Variants in PARP8 observed in about 807,000 individuals in gnomAD.
The protein encoded by PARP8 is protein mono-ADP-ribosyltransferase PARP8.
In PARP8, 51 loss-of-function variants were observed where a neutral mutation model predicts 124.1. The ratio of observed to expected loss-of-function variants is 0.41; its 90% confidence interval spans 0.33 to 0.52. The LOEUF (loss-of-function observed/expected upper bound fraction) is 0.52. Ranked by LOEUF, PARP8 falls within the 20% of genes least tolerant of loss-of-function variation. The probability of loss-of-function intolerance (pLI) is 0.21; values close to 1 mark genes in which losing one functional copy is unlikely to be tolerated. For missense variants in PARP8, 860 were observed against 1,018.9 expected (o/e 0.84, Z 2.12); for synonymous variants, 391 against 361.5 (o/e 1.08, Z -0.93).
intron 2 of PARP8, among the ~76,000 whole-genome samples, chr5:50,747,929 C>T (rs1395721115): frequency 6.6e-6 from 1 of 151,342 alleles, no homozygotes; most frequent in Non-Finnish European, 1.5e-5. Flanking sequence ...CCTGCCACCG[C>T]GCCCGGCTAA....
chr5:50,703,217 C>T (rs1753775167), intron 2 of PARP8, among the ~76,000 whole-genome samples: 1 of 151,098 alleles, frequency 6.6e-6, no homozygotes, highest in Admixed American at 6.6e-5. Context: ...GGGGAGATCG[C>T]TTGAGCCCAA....
intron 2 of PARP8, among the ~76,000 whole-genome samples, chr5:50,670,744 C>T (rs984612241): frequency 6.6e-6 from 1 of 152,140 alleles, no homozygotes; most frequent in African/African-American, 2.4e-5. Context: ...TTGAAGCTGC[C>T]ATGTAAACCT....
chr5:50,687,070 C>T (rs1208642196), intron 2 of PARP8, among the ~76,000 whole-genome samples: 1 of 152,258 alleles, frequency 6.6e-6, no homozygotes, highest in Admixed American at 6.5e-5. Context: ...TTTTTCTTTT[C>T]TATCACATTG....
At position 50,796,375 on chromosome 5, in the gene PARP8, C is replaced by T. The variant is rs192455184; in HGVS notation, c.1429-607C>T. On this transcript the variant is annotated intron_variant, in intron 12 of 25. Coordinates refer to ENST00000281631, the MANE Select transcript of PARP8 (RefSeq NM_024615.4). ...TTATCTGAAAAGTTGAGTATGTTGA[C>T]AATTTCACATGAGCATCCTAGAAGC... 2.0e-3 allele frequency among the ~76,000 whole-genome samples: 309 copies of T among 152,252 alleles called. 2 individuals are homozygous for T. The highest frequency in any genetic ancestry group is 7.1e-3 in the African/African-American group (295 of 41,552).
chr5:50,839,793 C>T (rs1381512499), intron 25 of PARP8, among the ~76,000 whole-genome samples: 2 of 151,750 alleles, frequency 1.3e-5, no homozygotes, highest in Non-Finnish European at 2.9e-5. Flanking sequence ...GAATTTAAAT[C>T]TCATATCTTC....
intron 2 of PARP8, among the ~76,000 whole-genome samples, chr5:50,709,412 A>G (rs1414787380): frequency 2.0e-5 from 3 of 151,692 alleles, no homozygotes; most frequent in African/African-American, 7.3e-5. Flanking sequence ...CTGGTTATCT[A>G]TATTTCTTTT....
chr5:50,728,301 T>A (rs1405976343), intron 2 of PARP8, among the ~76,000 whole-genome samples: 1 of 152,220 alleles, frequency 6.6e-6, no homozygotes, highest in Non-Finnish European at 1.5e-5. Context: ...GATGAATTGA[T>A]GCTATTGCAA....
chr5:50,674,070 G>T (rs890566414), intron 2 of PARP8, among the ~76,000 whole-genome samples: 1 of 152,188 alleles, frequency 6.6e-6, no homozygotes, highest in South Asian at 2.1e-4. Flanking sequence ...TGTTCCCCAG[G>T]AAAGACTAGT....
At chr5:50,798,267 A>G (rs962508345) in intron 14 of PARP8, among the ~76,000 whole-genome samples, 9 of 152,262 alleles carry the variant, frequency 5.9e-5, no homozygotes, top group African/African-American at 2.2e-4. Context: ...GAACAGCCAA[A>G]CCTGTTTCAA....
chr5:50,776,330 A>G (rs1481665911), intron 7 of PARP8, among the ~76,000 whole-genome samples: 2 of 152,134 alleles, frequency 1.3e-5, no homozygotes, highest in South Asian at 4.1e-4. Flanking sequence ...TTCATCAGGA[A>G]TATTGGCTTG....
intron 10 of PARP8, among the ~76,000 whole-genome samples, chr5:50,788,813 T>G (rs1741608863): frequency 6.6e-6 from 1 of 152,122 alleles, no homozygotes; most frequent in South Asian, 2.1e-4. Flanking sequence ...CAAGATCCAC[T>G]CTCTTTCCTC....
chr5:50,677,839 G>A (rs1750812161), intron 2 of PARP8, among the ~76,000 whole-genome samples: 1 of 151,814 alleles, frequency 6.6e-6, no homozygotes, highest in African/African-American at 2.4e-5. Flanking sequence ...CCTCTGGGTT[G>A]CATTTAGGGA....
At chr5:50,823,075 G>T (rs1480583865) in intron 17 of PARP8, among the ~76,000 whole-genome samples, 1 of 152,168 alleles carries the variant, frequency 6.6e-6, no homozygotes, top group Non-Finnish European at 1.5e-5. Context: ...GATTGACAAC[G>T]CACATTATGT....
intron 2 of PARP8, among the ~76,000 whole-genome samples, chr5:50,694,237 T>C (rs1752792330): frequency 6.6e-6 from 1 of 152,196 alleles, no homozygotes; most frequent in South Asian, 2.1e-4. Flanking sequence ...GAAATTGCCC[T>C]TATGGAAGTG....
At chr5:50,733,694 G>A (rs373595491) in intron 2 of PARP8, among the ~76,000 whole-genome samples, 1 of 152,110 alleles carries the variant, frequency 6.6e-6, no homozygotes, top group East Asian at 1.9e-4. Flanking sequence ...GTATAAAAGG[G>A]CAATTTTTCT....
chr5:50,764,520 A>G (rs938284055), intron 7 of PARP8, among the ~76,000 whole-genome samples: 2 of 152,210 alleles, frequency 1.3e-5, no homozygotes, highest in African/African-American at 4.8e-5. Flanking sequence ...GAAACTCCCT[A>G]CCATCTGCAG....
At chr5:50,702,473 T>G (rs1204072301) in intron 2 of PARP8, among the ~76,000 whole-genome samples, 1 of 152,194 alleles carries the variant, frequency 6.6e-6, no homozygotes, top group Non-Finnish European at 1.5e-5. Context: ...GCTTCTCATT[T>G]TGATATGTGA....
At chr5:50,667,914 C>T (rs1442185385) in intron 1 of PARP8, 157 bp from the exon 2 acceptor site, 5 of 1,511,534 alleles carry the variant, frequency 3.3e-6, no homozygotes, top group Non-Finnish European at 4.4e-6. Context: ...CGCCGCATCC[C>T]CTCGGACGCG....
chr5:50,830,501 G>C (rs1202563676), intron 22 of PARP8, among the ~76,000 whole-genome samples: 6 of 152,160 alleles, frequency 3.9e-5, no homozygotes, highest in Admixed American at 3.3e-4. Context: ...TCAAAATGTA[G>C]AAAGAATGAT....
Sources: gnomAD v4.1 joint callset for allele counts (sites outside exome capture counted in the v4.1 genomes callset) on GRCh38, gnomAD v4.1.1 for gene constraint, MANE v1.5 for transcripts, NCBI Gene and HGNC (gene_info 2026-07-23, HGNC 2026-07-21) for gene names.